GRM7: variants seen among roughly 807,000 people sequenced by gnomAD.
The protein encoded by GRM7 is metabotropic glutamate receptor 7.
A neutral mutation model predicts 84.5 loss-of-function variants in GRM7; 35 were observed. That is an observed-to-expected ratio of 0.41 (90% confidence interval 0.32 to 0.55). GRM7 has a LOEUF of 0.55. Among genes scored for constraint, GRM7 ranks in the 20% least tolerant of loss-of-function variants. GRM7 has a pLI of 0.19. For missense variants in GRM7, 1,003 were observed against 1,194.6 expected, an observed-to-expected ratio of 0.84 and a Z score of 2.36; for synonymous variants, 487 against 455.1, an observed-to-expected ratio of 1.07 and a Z score of -0.89.
intron 5 of GRM7, among the ~76,000 whole-genome samples, chr3:7,437,322 T>C (rs1191835900): frequency 2.0e-5 from 3 of 152,202 alleles, no homozygotes; most frequent in Non-Finnish European, 2.9e-5. Flanking sequence ...CCCTCCTTTC[T>C]CTATCCACTT....
chr3:7,617,090 G>A (rs1397748478), intron 8 of GRM7, among the ~76,000 whole-genome samples: 2 of 152,024 alleles, frequency 1.3e-5, no homozygotes, highest in African/African-American at 4.8e-5. Flanking sequence ...TGGATAAATG[G>A]CTTTACCCAT....
chr3:7,635,501 G>A (rs1456265400), intron 8 of GRM7, among the ~76,000 whole-genome samples: 1 of 152,108 alleles, frequency 6.6e-6, no homozygotes, highest in Non-Finnish European at 1.5e-5. Context: ...TGTTTAAGAT[G>A]AAATTCACCA....
chr3:6,920,455 C>T (rs895760119), intron 1 of GRM7, among the ~76,000 whole-genome samples: 9 of 151,648 alleles, frequency 5.9e-5, no homozygotes, highest in African/African-American at 1.2e-4. Flanking sequence ...CTCAGGAGGC[C>T]GAGGCACAAG....
chr3:7,638,987 G>C (rs1698236586), intron 8 of GRM7, among the ~76,000 whole-genome samples: 1 of 152,116 alleles, frequency 6.6e-6, no homozygotes, highest in Non-Finnish European at 1.5e-5. Context: ...CTCTAATTTG[G>C]GATGTCCAAC....
chr3:6,911,940 C>T (rs987428991), intron 1 of GRM7, among the ~76,000 whole-genome samples: 4 of 152,054 alleles, frequency 2.6e-5, no homozygotes, highest in Admixed American at 2.0e-4. Flanking sequence ...TCAAGTCCAT[C>T]GACTGTAAGA....
intron 2 of GRM7, 37 bp from the exon 3 acceptor site, chr3:7,298,647 A>G (rs764947135): frequency 2.3e-5 from 37 of 1,588,550 alleles, no homozygotes; most frequent in Non-Finnish European, 3.1e-5. Flanking sequence ...ATCTCTGTGG[A>G]AACATTATTG....
At chr3:7,048,855 G>A (rs991079260) in intron 1 of GRM7, among the ~76,000 whole-genome samples, 18 of 151,620 alleles carry the variant, frequency 1.2e-4, no homozygotes, top group Admixed American at 4.6e-4. Context: ...ATTTTTTGAC[G>A]AACACTTCCT....
At chr3:7,023,043 T>G (rs569918605) in intron 1 of GRM7, among the ~76,000 whole-genome samples, 83 of 151,830 alleles carry the variant, frequency 5.5e-4, no homozygotes, top group African/African-American at 1.9e-3. Context: ...TGGATGGACA[T>G]GGGAGGTGGG....
At chr3:7,659,958 G>A (rs1173400512) in intron 8 of GRM7, among the ~76,000 whole-genome samples, 3 of 152,140 alleles carry the variant, frequency 2.0e-5, no homozygotes, top group African/African-American at 4.8e-5. Flanking sequence ...ATGGGAGTGA[G>A]GGTTAGGGAA....
intron 9 of GRM7, among the ~76,000 whole-genome samples, chr3:7,711,677 G>T (rs917875133): frequency 6.6e-6 from 1 of 152,174 alleles, no homozygotes; most frequent in Non-Finnish European, 1.5e-5. Flanking sequence ...CACCGATCTT[G>T]GGCCATGACT....
chr3:7,518,672 C>A (rs1367384462), intron 7 of GRM7, among the ~76,000 whole-genome samples: 1 of 152,184 alleles, frequency 6.6e-6, no homozygotes, highest in African/African-American at 2.4e-5. Context: ...GGCTAACAGC[C>A]AAGCACCAGC....
At chr3:7,592,919 A>G (rs1695862132) in intron 8 of GRM7, among the ~76,000 whole-genome samples, 1 of 152,026 alleles carries the variant, frequency 6.6e-6, no homozygotes, top group Non-Finnish European at 1.5e-5. Context: ...CACCAACCCT[A>G]CCCTTGTACT....
chr3:7,657,048 A>G (rs1699235886), intron 8 of GRM7, among the ~76,000 whole-genome samples: 1 of 152,228 alleles, frequency 6.6e-6, no homozygotes, highest in Admixed American at 6.5e-5. Flanking sequence ...ACTAATAACT[A>G]GAAAATGAGT....
intron 2 of GRM7, among the ~76,000 whole-genome samples, chr3:7,226,538 T>G (rs1696987448): frequency 2.0e-5 from 3 of 152,130 alleles, no homozygotes; most frequent in African/African-American, 7.2e-5. Context: ...AACACAATCA[T>G]AGGAGTGACA....
chr3:7,258,209 T>C, intron 2 of GRM7, among the ~76,000 whole-genome samples: 1 of 152,180 alleles, frequency 6.6e-6, no homozygotes. Flanking sequence ...GATCCTTCAG[T>C]GTTCTACCAC....
rs1559289782 is a variant in GRM7 at position 6,861,141 on chromosome 3, C to CTTG, written c.-248_-247insTTG. The CTTG allele has an allele frequency of 4.8e-6, 2 of 420,800 alleles. No homozygotes were observed. The highest frequency in any genetic ancestry group is 8.3e-6 in the Non-Finnish European group (2 of 240,790). The allele number at this position is 420,800 out of a possible 1,614,324, so 26.1% of individuals were successfully genotyped here. The stretch of plus-strand genomic sequence containing the variant: ...GTGCTGGGCTGTTGGAGAGAGCGAG[C>CTTG]AGCAAGCCGGTGAGCGCGAGCGCGG... On this transcript the variant is annotated 5_prime_UTR_variant, in exon 1 of 10. Transcript: ENST00000357716. This position sits in a 1 kb window ranked among gnomAD's most constrained non-coding sequence, Gnocchi z 6.4.
At chr3:7,622,147 G>A (rs1575564657) in intron 8 of GRM7, among the ~76,000 whole-genome samples, 1 of 152,102 alleles carries the variant, frequency 6.6e-6, no homozygotes, top group Non-Finnish European at 1.5e-5. Flanking sequence ...TGTCCCAAAA[G>A]CTGCAGACCA....
At chr3:7,270,700 C>A (rs1233705625) in intron 2 of GRM7, among the ~76,000 whole-genome samples, 1 of 152,034 alleles carries the variant, frequency 6.6e-6, no homozygotes, top group Non-Finnish European at 1.5e-5. Flanking sequence ...ACTTGCAGAG[C>A]CCATTAACAA....
intron 5 of GRM7, among the ~76,000 whole-genome samples, chr3:7,439,693 A>G (rs866936015): frequency 6.6e-6 from 1 of 152,198 alleles, no homozygotes; most frequent in Non-Finnish European, 1.5e-5. Context: ...GGGAAGTAAG[A>G]AGGACACTGA....
Sources: allele counts gnomAD v4.1 joint callset (sites outside exome capture counted in the v4.1 genomes callset), GRCh38; gene constraint gnomAD v4.1.1; non-coding constraint Gnocchi (gnomAD v3.1); transcripts MANE v1.5; gene names NCBI Gene and HGNC (gene_info 2026-07-23, HGNC 2026-07-21).